The following SHISA9 variants were observed in gnomAD, a reference collection of about 807,000 sequenced individuals.
SHISA9 encodes shisa family member 9.
Under a neutral mutation model 38.0 loss-of-function variants are expected in SHISA9, and 13 were observed. The observed-to-expected ratio is 0.34, with a 90% CI of 0.22 to 0.54. SHISA9 has a LOEUF of 0.54. SHISA9 is among the 20% of genes least tolerant of loss of function. The pLI is 0.91. For synonymous variants in SHISA9, 275 were observed against 242.0 expected (o/e 1.14, Z -1.27); for missense variants, 538 against 575.8 (o/e 0.93, Z 0.67).
chr16:13,197,551 AT>A (rs1416935320), intron 2 of SHISA9: 1 of 110,638 alleles, frequency 9.0e-6, no homozygotes, highest in Non-Finnish European at 1.8e-5. Context: ...GAGTAATTGT[AT>A]CTTAACCTTC....
the SHISA9 span, among the ~76,000 whole-genome samples, chr16:13,369,243 G>C: frequency 6.6e-6 from 1 of 152,058 alleles, no homozygotes; most frequent in Non-Finnish European, 1.5e-5. Flanking sequence ...TAAGATGAGT[G>C]CTTGCTAATT....
chr16:13,008,401 C>A (rs2072624819), intron 2 of SHISA9, among the ~76,000 whole-genome samples: 1 of 152,134 alleles, frequency 6.6e-6, no homozygotes, highest in South Asian at 2.1e-4. Context: ...TGTGGGAACC[C>A]AACTAAGATA....
At chr16:13,291,829 A>G in the SHISA9 span, among the ~76,000 whole-genome samples, 1 of 152,132 alleles carries the variant, frequency 6.6e-6, no homozygotes, top group African/African-American at 2.4e-5. Context: ...TATCATTAAC[A>G]CTTGTGGTAG....
chr16:13,087,510 T>C (rs2073726527), intron 2 of SHISA9, among the ~76,000 whole-genome samples: 1 of 152,180 alleles, frequency 6.6e-6, no homozygotes, highest in Non-Finnish European at 1.5e-5. Flanking sequence ...TTTTTAATGA[T>C]CGCCATTCTA....
chr16:13,500,245 C>T, the SHISA9 span, among the ~76,000 whole-genome samples: 19 of 152,240 alleles, frequency 1.2e-4, no homozygotes, highest in Non-Finnish European at 8.8e-5. Flanking sequence ...CCATGTGAGA[C>T]GGTCCAAGCT....
chr16:13,497,407 C>T, the SHISA9 span, among the ~76,000 whole-genome samples: 1 of 151,978 alleles, frequency 6.6e-6, no homozygotes, highest in Non-Finnish European at 1.5e-5. Flanking sequence ...GGAGAGGGGC[C>T]GGATGTGGTG....
the SHISA9 span, among the ~76,000 whole-genome samples, chr16:13,468,300 G>A: frequency 2.6e-5 from 4 of 152,132 alleles, no homozygotes; most frequent in African/African-American, 7.2e-5. Context: ...CGGATTATTG[G>A]TGCCCAGGGA....
chr16:13,334,609 C>T, the SHISA9 span, among the ~76,000 whole-genome samples: 1 of 151,762 alleles, frequency 6.6e-6, no homozygotes, highest in Non-Finnish European at 1.5e-5. Flanking sequence ...CCCGTCTCTA[C>T]TCAAAATACA....
At chr16:13,107,510 C>G (rs919219839) in intron 2 of SHISA9, among the ~76,000 whole-genome samples, 1 of 124,754 alleles carries the variant, frequency 8.0e-6, no homozygotes. Context: ...CACACACACA[C>G]ACACAGAGTT....
intron 2 of SHISA9, among the ~76,000 whole-genome samples, chr16:12,982,510 C>G (rs1373442659): frequency 6.6e-6 from 1 of 152,170 alleles, no homozygotes; most frequent in Non-Finnish European, 1.5e-5. Flanking sequence ...TTCTGGCATT[C>G]TCCTTTACAT....
At chr16:13,450,701 T>C in the SHISA9 span, among the ~76,000 whole-genome samples, 9 of 152,226 alleles carry the variant, frequency 5.9e-5, no homozygotes, top group Admixed American at 3.9e-4. Flanking sequence ...GAGAAGGTCA[T>C]GGAATTTGTC....
intron 2 of SHISA9, among the ~76,000 whole-genome samples, chr16:12,926,764 A>G (rs1402435881): frequency 6.6e-6 from 1 of 152,226 alleles, no homozygotes; most frequent in Non-Finnish European, 1.5e-5. Context: ...AAAGAAAAAT[A>G]CTTCCCATCA....
the SHISA9 span, among the ~76,000 whole-genome samples, chr16:13,499,319 T>G: frequency 6.6e-6 from 1 of 152,186 alleles, no homozygotes; most frequent in Admixed American, 6.5e-5. Context: ...AAGAGATGGA[T>G]TAAATCAACA....
intron 2 of SHISA9, among the ~76,000 whole-genome samples, chr16:13,190,246 A>G (rs2050871093): frequency 7.5e-6 from 1 of 132,510 alleles, no homozygotes; most frequent in South Asian, 2.9e-4. Flanking sequence ...CTACCCCACA[A>G]CAGTCCCCAG....
chr16:12,970,218 T>G (rs1156817010), intron 2 of SHISA9, among the ~76,000 whole-genome samples: 3 of 147,048 alleles, frequency 2.0e-5, no homozygotes, highest in Non-Finnish European at 3.0e-5. Flanking sequence ...AAGTGCTGAT[T>G]TGTTACATGG....
intron 2 of SHISA9, among the ~76,000 whole-genome samples, chr16:13,105,155 T>C (rs7197041): frequency 0.059 from 8,995 of 152,304 alleles, 789 homozygotes; most frequent in African/African-American, 0.18. Context: ...TAATTTCTGT[T>C]ATGGTTGCCT....
intron 2 of SHISA9, among the ~76,000 whole-genome samples, chr16:13,151,510 G>C (rs150070): frequency 0.6 from 91,625 of 151,942 alleles, 28,778 homozygotes; most frequent in East Asian, 0.74. Flanking sequence ...ACAGCTGTAG[G>C]CTTATTACTT....
chr16:13,371,571 A>G, the SHISA9 span, among the ~76,000 whole-genome samples: 1 of 152,230 alleles, frequency 6.6e-6, no homozygotes, highest in Non-Finnish European at 1.5e-5. Context: ...CCTTGATTCA[A>G]TGGTAAGTGA....
chr16:12,943,316 TGTGTGTGTGTGTGTGAGAGAGAGAGAGA>T (rs2071641272), intron 2 of SHISA9, among the ~76,000 whole-genome samples: 14 of 37,320 alleles, frequency 3.8e-4, no homozygotes, highest in African/African-American at 1.0e-3. Flanking sequence ...TGTGTGTGTG[TGTGTGTGTGTGTGTGAGAGAGAGAGAGA>T]GAGAGAGAGA....
Sources: gnomAD v4.1 joint callset for allele counts (sites outside exome capture counted in the v4.1 genomes callset) on GRCh38, gnomAD v4.1.1 for gene constraint, MANE v1.5 for transcripts, NCBI Gene and HGNC (gene_info 2026-07-23, HGNC 2026-07-21) for gene names.